Variants in TENM2 observed in about 807,000 individuals in gnomAD.
TENM2 encodes the protein teneurin transmembrane protein 2.
A neutral mutation model predicts 245.2 loss-of-function variants in TENM2; 52 were observed. That is an observed-to-expected ratio of 0.21 (90% CI 0.17 to 0.27). The LOEUF (loss-of-function observed/expected upper bound fraction) is 0.27, where lower values mean the gene tolerates loss of function less well. Ranked by LOEUF, TENM2 falls within the 10% of genes least tolerant of loss-of-function variation. The pLI is 1.00. For synonymous variants in TENM2, 1,363 were observed against 1,438.9 expected (o/e 0.95, Z 1.19); for missense variants, 3,046 against 3,666.8 (o/e 0.83, Z 4.37).
At chr5:167,937,415 G>A (rs1232853016) in intron 3 of TENM2, among the ~76,000 whole-genome samples, 1 of 152,096 alleles carries the variant, frequency 6.6e-6, no homozygotes, top group Non-Finnish European at 1.5e-5. Flanking sequence ...TAGGGTGTGT[G>A]GTAAGTGTAA....
At chr5:167,524,813 C>T (rs1377763642) in intron 2 of TENM2, among the ~76,000 whole-genome samples, 1 of 151,258 alleles carries the variant, frequency 6.6e-6, no homozygotes, top group East Asian at 1.9e-4. Flanking sequence ...GATTAAACCC[C>T]TCTCTTACTA....
At chr5:167,479,789 C>A (rs912520208) in intron 2 of TENM2, among the ~76,000 whole-genome samples, 1 of 151,988 alleles carries the variant, frequency 6.6e-6, no homozygotes, top group East Asian at 1.9e-4. Context: ...ATATGGAAAC[C>A]GGAAGCATAG....
In TENM2 at chr5:167,996,617, T is replaced by C. The variant is rs548313543; in HGVS notation, c.1186+3435T>C. Among the ~76,000 whole-genome samples the C allele has an allele frequency of 7.6e-4, 116 of 152,290 alleles. 1 individual carries two copies. Among genetic ancestry groups the C allele is most frequent in the Non-Finnish European group, 1.0e-3 (68 of 68,022 alleles). On this transcript the variant is annotated intron_variant, in intron 5 of 28. Coordinates refer to ENST00000518659, the Ensembl canonical transcript of TENM2. ...AGTATTTTATTACCAACCTCACCTATTTTAGACAAGATGTATTGTGTTATC... is the reference window on the plus strand; with the variant it reads ...AGTATTTTATTACCAACCTCACCTACTTTAGACAAGATGTATTGTGTTATC...
intron 27 of TENM2, among the ~76,000 whole-genome samples, chr5:168,249,422 A>G (rs1032274876): frequency 2.0e-5 from 3 of 151,540 alleles, no homozygotes; most frequent in African/African-American, 7.3e-5. Context: ...TGGGGATTCA[A>G]TGGTGAATAA....
chr5:167,863,483 AC>A (rs1561869400), intron 2 of TENM2, among the ~76,000 whole-genome samples: 5 of 151,614 alleles, frequency 3.3e-5, no homozygotes, highest in Middle Eastern at 6.8e-3. Context: ...ACACACACAC[AC>A]ACACACAAAA....
At chr5:167,788,321 C>A (rs1016107721) in intron 2 of TENM2, among the ~76,000 whole-genome samples, 20 of 152,188 alleles carry the variant, frequency 1.3e-4, no homozygotes, top group Admixed American at 2.6e-4. Context: ...TTGCTTTTCT[C>A]TTCCTTAACT....
intron 15 of TENM2, among the ~76,000 whole-genome samples, chr5:168,195,551 CGTGTGTGTGTGTGTGTGTGTGTGTGTGT>C (rs35040257): frequency 1.3e-3 from 126 of 98,236 alleles, no homozygotes; most frequent in African/African-American, 4.0e-3. Flanking sequence ...GGTCAATGCA[CGTGTGTGTGTGTGTGTGTGTGTGTGTGT>C]GTGTGTGTGT....
intron 3 of TENM2, among the ~76,000 whole-genome samples, chr5:167,927,175 G>C (rs1777831042): frequency 6.6e-6 from 1 of 151,902 alleles, no homozygotes. Flanking sequence ...TTTTTGTTTT[G>C]ATTTCCCCCA....
At chr5:167,685,086 G>A (rs1277229470) in intron 2 of TENM2, among the ~76,000 whole-genome samples, 1 of 152,108 alleles carries the variant, frequency 6.6e-6, no homozygotes, top group Non-Finnish European at 1.5e-5. Context: ...CATCAATATT[G>A]CTAAGCCTTT....
At chr5:167,088,225 A>AG in the TENM2 span, among the ~76,000 whole-genome samples, 1 of 152,236 alleles carries the variant, frequency 6.6e-6, no homozygotes, top group Non-Finnish European at 1.5e-5. Flanking sequence ...CAAAGTGAAA[A>AG]TAGTCCTGTA....
chr5:167,692,095 C>A (rs1019863210), intron 2 of TENM2, among the ~76,000 whole-genome samples: 15 of 152,038 alleles, frequency 9.9e-5, no homozygotes, highest in African/African-American at 3.6e-4. Flanking sequence ...CCCCGGAATA[C>A]CACTACCTGA....
chr5:167,682,117 C>G (rs1756762989), intron 2 of TENM2, among the ~76,000 whole-genome samples: 1 of 137,994 alleles, frequency 7.2e-6, no homozygotes. Flanking sequence ...TCCCTCCCTC[C>G]CTCCCTCCCT....
chr5:168,204,998 G>T (rs1199306431), intron 19 of TENM2, among the ~76,000 whole-genome samples: 1 of 152,192 alleles, frequency 6.6e-6, no homozygotes, highest in Non-Finnish European at 1.5e-5. Context: ...TCTCTATAAA[G>T]TCTCTGGATC....
chr5:167,941,347 C>T (rs886591315), intron 3 of TENM2, among the ~76,000 whole-genome samples: 3 of 152,152 alleles, frequency 2.0e-5, no homozygotes, highest in African/African-American at 7.2e-5. Flanking sequence ...ACAAAAGCTG[C>T]TATAAGGCAC....
chr5:167,982,405 C>T (rs1009089536), intron 4 of TENM2, among the ~76,000 whole-genome samples: 2 of 152,142 alleles, frequency 1.3e-5, no homozygotes, highest in African/African-American at 4.8e-5. Flanking sequence ...TAAATACTGG[C>T]TGGGCAGTGA....
At chr5:167,120,443 T>C in the TENM2 span, among the ~76,000 whole-genome samples, 1 of 152,174 alleles carries the variant, frequency 6.6e-6, no homozygotes, top group Non-Finnish European at 1.5e-5. Flanking sequence ...TCGAGGAAAA[T>C]CACAAAAGTG....
chr5:167,171,026 G>A, the TENM2 span, among the ~76,000 whole-genome samples: 1,175 of 152,152 alleles, frequency 7.7e-3, 16 homozygotes, highest in African/African-American at 0.026. Context: ...CAGCTCTGTC[G>A]TGGGTCTTTG....
intron 4 of TENM2, among the ~76,000 whole-genome samples, chr5:167,970,021 A>G (rs993996243): frequency 3.3e-5 from 5 of 152,234 alleles, no homozygotes; most frequent in Non-Finnish European, 5.9e-5. Context: ...AACTCAGGCC[A>G]CATTCAATGT....
At chr5:168,079,480 G>A (rs1342286048) in intron 7 of TENM2, among the ~76,000 whole-genome samples, 1 of 152,160 alleles carries the variant, frequency 6.6e-6, no homozygotes, top group Non-Finnish European at 1.5e-5. Context: ...GAATAGGAGT[G>A]GTGAGAGAGG....
Sources: allele counts gnomAD v4.1 joint callset (sites outside exome capture counted in the v4.1 genomes callset), GRCh38; gene constraint gnomAD v4.1.1; transcripts MANE v1.5; gene names NCBI Gene and HGNC (gene_info 2026-07-23, HGNC 2026-07-21).